The following POC1A variants were observed in gnomAD, a reference collection of about 807,000 sequenced individuals.
The protein encoded by POC1A is POC1 centriolar protein A.
POC1A carries 34 observed loss-of-function variants against 47.8 expected under a neutral mutation model. The ratio of observed to expected loss-of-function variants is 0.71; its 90% CI spans 0.54 to 0.95. POC1A has a LOEUF of 0.95. Among genes scored for constraint, POC1A ranks in the 40% least tolerant of loss-of-function variants. The pLI is 0.00. For synonymous variants in POC1A, 177 were observed against 207.6 expected, an observed-to-expected ratio of 0.85 and a Z score of 1.27; for missense variants, 466 against 528.3, an observed-to-expected ratio of 0.88 and a Z score of 1.16.
At chr3:52,146,606 T>C (rs1311304045) in intron 5 of POC1A, among the ~76,000 whole-genome samples, 8 of 152,266 alleles carry the variant, frequency 5.3e-5, no homozygotes, top group Admixed American at 5.2e-4. Context: ...GCCATCATCA[T>C]GGATAACATA....
chr3:52,101,090 C>CA (rs146285042), intron 9 of POC1A, among the ~76,000 whole-genome samples: 10,932 of 56,844 alleles, frequency 0.19, 719 homozygotes, highest in African/African-American at 0.28. Flanking sequence ...CAACCCTCAG[C>CA]AAAAAAAAAA....
intron 3 of POC1A, 70 bp from the exon 4 acceptor site, chr3:52,149,459 G>T: frequency 2.1e-6 from 3 of 1,429,702 alleles, no homozygotes; most frequent in Non-Finnish European, 2.9e-6. Flanking sequence ...GCACATCAAA[G>T]CTCTCCTACT....
In POC1A at chr3:52,090,805, C is replaced by T. The variant is rs1274311093; in HGVS notation, c.1125+5764G>A. ...ATCCCTGGGCAGGCAGGCCTAGCAGCCTCGGGGTCCGGCCTAGAGTCCTCC... is the reference window on the plus strand; with the variant it reads ...ATCCCTGGGCAGGCAGGCCTAGCAGTCTCGGGGTCCGGCCTAGAGTCCTCC... On this transcript the variant is annotated intron_variant, in intron 10 of 10. Coordinates refer to ENST00000296484, the MANE Select transcript of POC1A (RefSeq NM_015426.5). The surrounding 1 kb of genome is among the most constrained non-coding windows in gnomAD (Gnocchi z 4.2). Among the ~76,000 whole-genome samples, 1 of 152,124 alleles carries T rather than the reference C, an allele frequency of 6.6e-6. No homozygotes were observed. Among genetic ancestry groups the T allele is most frequent in the South Asian group, 2.1e-4 (1 of 4,826 alleles).
chr3:52,144,170 G>A (rs966887672), intron 6 of POC1A, among the ~76,000 whole-genome samples: 2 of 152,106 alleles, frequency 1.3e-5, no homozygotes, highest in Non-Finnish European at 2.9e-5. Flanking sequence ...CTGCCTCGTC[G>A]CCTTCCACTC....
intron 8 of POC1A, among the ~76,000 whole-genome samples, chr3:52,124,603 C>T (rs1703925573): frequency 6.6e-6 from 1 of 152,194 alleles, no homozygotes. Context: ...AGACAGGCCC[C>T]AGTACCTGCC....
At position 52,149,901 on chromosome 3, in the gene POC1A, C is replaced by T. The variant is rs954789669; in HGVS notation, c.190G>A (p.Val64Ile). 1.1e-5 allele frequency: 18 copies of T among 1,613,818 alleles called. No homozygotes were observed. The highest frequency in any genetic ancestry group is 8.0e-5 in the African/African-American group (6 of 74,936). The change falls in exon 3 of 11, where the codon GTC (valine) becomes ATC (isoleucine). Residue 64 changes from valine (V) to isoleucine (I), a missense_variant. Coordinates refer to ENST00000296484, the MANE Select transcript of POC1A (RefSeq NM_015426.5). Reference protein sequence around the residue: ...AYRFTGHKDAVTCVNFSPSGH... With the variant: ...AYRFTGHKDAITCVNFSPSGH... ...GAAGGAGAGAAGTTCACACAGGTGACGGCATCCTTGTGGCCAGTGAAGCGG... is the reference window on the plus strand; with the variant it reads ...GAAGGAGAGAAGTTCACACAGGTGATGGCATCCTTGTGGCCAGTGAAGCGG...
rs1559817018 is a variant in POC1A at position 52,096,675 on chromosome 3, C to A, written c.1019G>T (p.Arg340Met). 6.2e-7 allele frequency: 1 copy of A among 1,606,944 alleles called. No individual in the cohort carries two copies. The highest frequency in any genetic ancestry group is 8.5e-7 in the Non-Finnish European group (1 of 1,177,302). ...VDFPVPPGRG[R>M]SVESVQSQPQ... ...CTGGCTCTGCACAGACTCCACACTC[C>A]TGCCTCTGCCTGGGGGGACAGGGAA... The change falls in exon 10 of 11, where the codon AGG (arginine) becomes ATG (methionine). Residue 340 changes from arginine (R) to methionine (M), a missense_variant. By Grantham distance (91) the Arg-to-Met change is moderately conservative. Coordinates refer to ENST00000296484, the MANE Select transcript of POC1A (RefSeq NM_015426.5).
intron 9 of POC1A, among the ~76,000 whole-genome samples, chr3:52,113,679 G>A (rs1009777493): frequency 6.6e-6 from 1 of 152,222 alleles, no homozygotes; most frequent in African/African-American, 2.4e-5. Flanking sequence ...TCCAGCCTGG[G>A]TGACAGAGAG....
At chr3:52,137,462 G>A (rs564505784) in intron 7 of POC1A, among the ~76,000 whole-genome samples, 2 of 152,280 alleles carry the variant, frequency 1.3e-5, no homozygotes, top group Non-Finnish European at 1.5e-5. Flanking sequence ...TGGGCATGGT[G>A]ACTACGCCCC....
chr3:52,134,239 G>T (rs1435376978), intron 7 of POC1A, among the ~76,000 whole-genome samples: 2 of 152,158 alleles, frequency 1.3e-5, no homozygotes, highest in African/African-American at 2.4e-5. Flanking sequence ...AAAAAAAAGA[G>T]AATATAAATG....
rs1702211494 is a variant in POC1A at position 52,079,246 on chromosome 3, C to T, written c.1126-3261G>A. ...AAAATACATGCTACCTCGGTGTACA[C>T]AGGCCACTGCCATTTCCACCTGCTG... On this transcript the variant is annotated intron_variant, in intron 10 of 10. Transcript: ENST00000296484. The surrounding 1 kb of genome is among the most constrained non-coding windows in gnomAD (Gnocchi z 4.6). 6.6e-6 allele frequency among the ~76,000 whole-genome samples: 1 copy of T among 152,246 alleles called. No individual in the cohort carries two copies. Among genetic ancestry groups the T allele is most frequent in the Non-Finnish European group, 1.5e-5 (1 of 68,030 alleles).
At chr3:52,131,697 G>A (rs967177592) in intron 7 of POC1A, among the ~76,000 whole-genome samples, 1 of 152,140 alleles carries the variant, frequency 6.6e-6, no homozygotes, top group South Asian at 2.1e-4. Context: ...AGTCTGGGTC[G>A]GGGAGTCTCC....
intron 4 of POC1A, 117 bp downstream of exon 4, chr3:52,149,093 A>G: frequency 1.3e-6 from 1 of 755,776 alleles, no homozygotes; most frequent in Non-Finnish European, 2.3e-6. Flanking sequence ...AGGCTGAGGA[A>G]GCTTAAACAA....
In POC1A at chr3:52,138,225, G is replaced by C; in HGVS notation, c.757C>G (p.Leu253Val). The change falls in exon 7 of 11, where the codon CTG (leucine) becomes GTG (valine). Residue 253 changes from leucine (L) to valine (V), a missense_variant. By Grantham distance (32) the Leu-to-Val change is conservative. Coordinates refer to ENST00000296484, the MANE Select transcript of POC1A (RefSeq NM_015426.5). The stretch of plus-strand genomic sequence containing the variant: ...CCCTCCATCAGGTCCAGGATCTTCA[G>C]GGTTGAGTCACTGGAGGCTGTGATC... The part of the protein sequence containing the change: ...YLITASSDST[L>V]KILDLMEGRL... 2 of 1,614,168 alleles carry C rather than the reference G, an allele frequency of 1.2e-6. No homozygotes were observed. Among genetic ancestry groups the C allele is most frequent in the Middle Eastern group, 1.6e-4 (1 of 6,062 alleles).
chr3:52,127,910 G>T (rs543583985), intron 7 of POC1A, among the ~76,000 whole-genome samples: 2 of 152,066 alleles, frequency 1.3e-5, no homozygotes, highest in Non-Finnish European at 2.9e-5. Context: ...TGGCCAGGCT[G>T]GTCTTGAACT....
intron 9 of POC1A, among the ~76,000 whole-genome samples, chr3:52,117,535 C>T (rs1703612681): frequency 6.6e-6 from 1 of 152,178 alleles, no homozygotes; most frequent in Non-Finnish European, 1.5e-5. Context: ...GATTTAATCA[C>T]AGGTTGGCTG....
At chr3:52,143,337 A>G (rs1698259302) in intron 6 of POC1A, among the ~76,000 whole-genome samples, 1 of 151,906 alleles carries the variant, frequency 6.6e-6, no homozygotes, top group South Asian at 2.1e-4. Flanking sequence ...CCCTCTGCCA[A>G]GCCTGCTCCC....
intron 2 of POC1A, among the ~76,000 whole-genome samples, chr3:52,150,401 C>T (rs1003722502): frequency 6.6e-6 from 1 of 152,132 alleles, no homozygotes; most frequent in South Asian, 2.1e-4. Context: ...AGGAGGTCCC[C>T]AAAACTGATC....
At chr3:52,135,128 G>A (rs1457732169) in intron 7 of POC1A, among the ~76,000 whole-genome samples, 1 of 152,200 alleles carries the variant, frequency 6.6e-6, no homozygotes, top group Non-Finnish European at 1.5e-5. Flanking sequence ...GCAGGCCCCT[G>A]TGATGTGGCC....
Sources: gnomAD v4.1 joint callset for allele counts (sites outside exome capture counted in the v4.1 genomes callset) on GRCh38, gnomAD v4.1.1 for gene constraint, Gnocchi (gnomAD v3.1) non-coding constraint, MANE v1.5 for transcripts, NCBI Gene and HGNC (gene_info 2026-07-23, HGNC 2026-07-21) for gene names.